Variants in DOCK3 observed in about 807,000 individuals in gnomAD.
DOCK3 encodes dedicator of cytokinesis protein 3.
Under a neutral mutation model 265.6 loss-of-function variants are expected in DOCK3, and 60 were observed. That is an observed-to-expected ratio of 0.23 (90% CI 0.18 to 0.28). DOCK3 has a LOEUF of 0.28. DOCK3 is among the 10% of genes least tolerant of loss of function. DOCK3 has a pLI of 1.00. For missense variants in DOCK3, 1,981 were observed against 2,594.3 expected (o/e 0.76, Z 5.14); for synonymous variants, 881 against 938.0 (o/e 0.94, Z 1.11).
Position 51,225,652 on chromosome 3 carries a change from A to G in DOCK3, c.1256A>G (p.Asp419Gly). The G allele has an allele frequency of 6.2e-7, 1 of 1,610,420 alleles. No homozygotes were observed. The highest frequency in any genetic ancestry group is 8.5e-7 in the Non-Finnish European group (1 of 1,178,410). ...TGTGGCATTTCTTTCCCCGCAGGTG[A>G]TATCCGCAATGACCTGTACCTAACC... is the stretch of plus-strand genomic sequence containing the variant. Reference protein sequence around the residue: ...LGFPDVIMPGDIRNDLYLTLE... With the variant: ...LGFPDVIMPGGIRNDLYLTLE... The change falls in exon 15 of 53, where the codon GAT (aspartate) becomes GGT (glycine). Residue 419 changes from aspartate (D) to glycine (G), a missense_variant. By Grantham distance (94) the Asp-to-Gly change is moderately conservative (BLOSUM62 -1). Coordinates refer to ENST00000266037, the MANE Select transcript of DOCK3 (RefSeq NM_004947.5).
chr3:50,781,821 T>G (rs750229567), intron 2 of DOCK3, among the ~76,000 whole-genome samples: 4 of 152,124 alleles, frequency 2.6e-5, no homozygotes, highest in African/African-American at 4.8e-5. Context: ...GTTGTTGCCC[T>G]CTGTGTGTCC....
intron 51 of DOCK3, chr3:51,379,650 G>A (rs1553617899): frequency 1.0e-6 from 1 of 983,852 alleles, no homozygotes. Context: ...AGCCATCTAA[G>A]CTGAGAAGAT....
At chr3:51,220,216 C>T (rs2090003276) in intron 14 of DOCK3, among the ~76,000 whole-genome samples, 1 of 152,124 alleles carries the variant, frequency 6.6e-6, no homozygotes, top group African/African-American at 2.4e-5. Flanking sequence ...TCCTTCTATT[C>T]TTCCAACACA....
intron 3 of DOCK3, among the ~76,000 whole-genome samples, chr3:50,857,994 C>T (rs975075421): frequency 8.5e-5 from 13 of 152,140 alleles, no homozygotes; most frequent in Non-Finnish European, 1.5e-4. Flanking sequence ...TTTATTGCAG[C>T]ACTATTCACA....
chr3:51,340,171 G>A (rs1400157478), intron 37 of DOCK3, among the ~76,000 whole-genome samples: 2 of 152,182 alleles, frequency 1.3e-5, no homozygotes, highest in African/African-American at 2.4e-5. Context: ...CCTAGGAAAC[G>A]GGGCCATGAC....
chr3:50,709,230 T>C (rs1490479591), intron 1 of DOCK3, among the ~76,000 whole-genome samples: 2 of 152,240 alleles, frequency 1.3e-5, no homozygotes, highest in African/African-American at 4.8e-5. Flanking sequence ...CTTGACTTTG[T>C]ATATTGATCA....
chr3:51,027,906 T>C (rs2079887949), intron 5 of DOCK3, among the ~76,000 whole-genome samples: 1 of 152,166 alleles, frequency 6.6e-6, no homozygotes, highest in African/African-American at 2.4e-5. Flanking sequence ...ACTCTGTATC[T>C]TTTAAGTGGA....
chr3:51,367,199 AT>A, intron 49 of DOCK3, among the ~76,000 whole-genome samples: 1 of 152,168 alleles, frequency 6.6e-6, no homozygotes, highest in Admixed American at 6.5e-5. Context: ...TATATTTAGG[AT>A]AGTTAGCTCT....
At chr3:50,979,777 T>C (rs546759208) in intron 5 of DOCK3, among the ~76,000 whole-genome samples, 1 of 152,334 alleles carries the variant, frequency 6.6e-6, no homozygotes, top group African/African-American at 2.4e-5. Context: ...TATATAGAAA[T>C]GGTACTGATT....
chr3:50,726,561 G>A (rs988844717), intron 1 of DOCK3, among the ~76,000 whole-genome samples: 9 of 152,160 alleles, frequency 5.9e-5, no homozygotes, highest in Non-Finnish European at 1.2e-4. Flanking sequence ...CACTGAAGGA[G>A]AGCCCTAAGT....
At chr3:51,304,259 G>A (rs2082522323) in intron 27 of DOCK3, among the ~76,000 whole-genome samples, 1 of 152,064 alleles carries the variant, frequency 6.6e-6, no homozygotes, top group African/African-American at 2.4e-5. Flanking sequence ...ACCAGCAGGG[G>A]AAAAACTGAA....
At chr3:51,358,894 C>T (rs1224449303) in intron 46 of DOCK3, among the ~76,000 whole-genome samples, 1 of 152,216 alleles carries the variant, frequency 6.6e-6, no homozygotes, top group Non-Finnish European at 1.5e-5. Flanking sequence ...ATATCCAAAC[C>T]TCATTTTCAA....
chr3:51,291,752 GCTAGCATTAC>G (rs1424345746), intron 27 of DOCK3, among the ~76,000 whole-genome samples: 2 of 152,094 alleles, frequency 1.3e-5, no homozygotes, highest in Non-Finnish European at 2.9e-5. Flanking sequence ...ATTTCATGGG[GCTAGCATTAC>G]CCTGATACTA....
Position 51,362,616 on chromosome 3 carries a change from G to C in DOCK3, c.5235G>C (p.Leu1745=). ...SSQASPSSSS[L]SSTHSAPSQM... is the part of the protein sequence containing the mutation. ...AGGCAAGCCCTTCTTCCTCCAGCCT[G>C]AGTTCCACTCACTCAGCACCATCCC... Residue 1745 remains leucine (L), a synonymous_variant, in exon 49 of 53, where the codon CTG becomes CTC. Coordinates refer to ENST00000266037, the MANE Select transcript of DOCK3 (RefSeq NM_004947.5). 1.2e-6 allele frequency: 2 copies of C among 1,613,940 alleles called. No individual in the cohort carries two copies. Among genetic ancestry groups the C allele is most frequent in the Non-Finnish European group, 1.7e-6 (2 of 1,179,862 alleles).
intron 6 of DOCK3, among the ~76,000 whole-genome samples, chr3:51,070,904 G>A (rs1326408382): frequency 6.6e-6 from 1 of 152,048 alleles, no homozygotes; most frequent in Non-Finnish European, 1.5e-5. Flanking sequence ...AGAATCTAAT[G>A]CGTGATGATC....
intron 27 of DOCK3, among the ~76,000 whole-genome samples, chr3:51,292,004 T>C (rs1343109795): frequency 6.6e-6 from 1 of 152,218 alleles, no homozygotes; most frequent in African/African-American, 2.4e-5. Flanking sequence ...AACATGATCA[T>C]CTCAATAAAT....
intron 9 of DOCK3, among the ~76,000 whole-genome samples, chr3:51,137,682 G>T (rs1369104219): frequency 6.6e-6 from 1 of 152,144 alleles, no homozygotes; most frequent in African/African-American, 2.4e-5. Flanking sequence ...GGATTCATTT[G>T]TAAGAACTTG....
intron 3 of DOCK3, among the ~76,000 whole-genome samples, chr3:50,864,929 G>T (rs1260562526): frequency 6.6e-6 from 1 of 151,440 alleles, no homozygotes; most frequent in Non-Finnish European, 1.5e-5. Flanking sequence ...GGGGTCTTTT[G>T]TGGTTCCACA....
chr3:50,834,591 T>G (rs955768266), intron 2 of DOCK3, among the ~76,000 whole-genome samples: 7 of 152,200 alleles, frequency 4.6e-5, no homozygotes, highest in South Asian at 2.1e-4. Flanking sequence ...TTAGGTGACC[T>G]AATAGCTAAA....
Sources: allele counts gnomAD v4.1 joint callset (sites outside exome capture counted in the v4.1 genomes callset), GRCh38; gene constraint gnomAD v4.1.1; transcripts MANE v1.5; gene names NCBI Gene and HGNC (gene_info 2026-07-23, HGNC 2026-07-21).